The following GTF2A1L variants were observed in gnomAD, a reference collection of about 807,000 sequenced individuals.
The protein encoded by GTF2A1L is TFIIA-alpha and beta-like factor.
GTF2A1L carries 48 observed loss-of-function variants against 49.7 expected under a neutral mutation model. That is an observed-to-expected ratio of 0.97 (90% CI 0.77 to 1.23). GTF2A1L has a LOEUF of 1.23. Ranked by LOEUF, GTF2A1L falls within the 50% of genes most tolerant of loss-of-function variation. GTF2A1L has a pLI of 0.00. For missense variants in GTF2A1L, 736 were observed against 564.8 expected, an observed-to-expected ratio of 1.30 and a Z score of -3.07; for synonymous variants, 246 against 193.5, an observed-to-expected ratio of 1.27 and a Z score of -2.25.
intron 6 of GTF2A1L, among the ~76,000 whole-genome samples, chr2:48,662,071 G>A (rs921207960): frequency 2.6e-5 from 4 of 151,974 alleles, no homozygotes; most frequent in African/African-American, 4.8e-5. Flanking sequence ...TGGTTACCAC[G>A]GGTATTACAT....
rs779064691 is a variant in GTF2A1L at position 48,646,874 on chromosome 2, G to C, written c.810G>C (p.Met270Ile). The C allele has an allele frequency of 6.2e-7, 1 of 1,614,176 alleles. No individual in the cohort carries two copies. The highest frequency in any genetic ancestry group is 8.5e-7 in the Non-Finnish European group (1 of 1,180,012). The change falls in exon 6 of 9, where the codon ATG becomes ATC. Residue 270 changes from methionine to isoleucine, a missense_variant. Transcript: ENST00000403751. The stretch of plus-strand genomic sequence containing the variant: ...CAGTGCTCAGTGGTTCAGCTAGCAT[G>C]GCTCAAAATCTGCATGATGAGTCCC... ...VESVLSGSASMAQNLHDESLS... is the reference protein window; with the variant it reads ...VESVLSGSASIAQNLHDESLS...
intron 6 of GTF2A1L, among the ~76,000 whole-genome samples, chr2:48,665,243 A>T: frequency 6.7e-6 from 1 of 150,120 alleles, no homozygotes; most frequent in African/African-American, 2.4e-5. Flanking sequence ...TTTTATTGAT[A>T]ATTTCAAAGA....
chr2:48,631,753 G>T (rs916125024), intron 3 of GTF2A1L, among the ~76,000 whole-genome samples: 4 of 152,130 alleles, frequency 2.6e-5, no homozygotes, highest in South Asian at 2.1e-4. Flanking sequence ...ATGTTAGATT[G>T]TTAATTTGAG....
intron 7 of GTF2A1L, among the ~76,000 whole-genome samples, chr2:48,670,475 T>C (rs1679108489): frequency 1.3e-5 from 2 of 152,288 alleles, no homozygotes; most frequent in African/African-American, 4.8e-5. Context: ...TGGGCTTCTG[T>C]ATTGGTCTTA....
intron 6 of GTF2A1L, among the ~76,000 whole-genome samples, chr2:48,650,741 A>G (rs188149601): frequency 6.6e-6 from 1 of 152,192 alleles, no homozygotes; most frequent in East Asian, 1.9e-4. Context: ...ATATTAAGAT[A>G]TATTTCATTC....
intron 6 of GTF2A1L, among the ~76,000 whole-genome samples, chr2:48,649,634 C>A (rs956972619): frequency 6.6e-6 from 1 of 152,230 alleles, no homozygotes. Flanking sequence ...CAGCAGCACA[C>A]TGGCACCGTG....
intron 3 of GTF2A1L, among the ~76,000 whole-genome samples, chr2:48,621,748 C>T (rs1676009417): frequency 6.6e-6 from 1 of 152,116 alleles, no homozygotes; most frequent in Admixed American, 6.5e-5. Flanking sequence ...TTCAGGCTAC[C>T]TCACTGTTTT....
intron 4 of GTF2A1L, among the ~76,000 whole-genome samples, chr2:48,643,855 T>C (rs1268295035): frequency 6.6e-6 from 1 of 151,990 alleles, no homozygotes; most frequent in Non-Finnish European, 1.5e-5. Context: ...CCCGCCACCA[T>C]GCCCAACTAA....
intron 5 of GTF2A1L, 135 bp from the exon 6 acceptor site, chr2:48,646,318 A>G: frequency 1.5e-6 from 1 of 685,870 alleles, no homozygotes; most frequent in Non-Finnish European, 2.2e-6. Flanking sequence ...AAAAACCCCT[A>G]GAGATAACCA....
chr2:48,671,107 C>A (rs149548312), intron 7 of GTF2A1L, among the ~76,000 whole-genome samples: 1 of 152,068 alleles, frequency 6.6e-6, no homozygotes, highest in African/African-American at 2.4e-5. Context: ...CAAGCATGAA[C>A]CACTGCACCC....
rs888409051 is a variant in GTF2A1L at position 48,624,321 on chromosome 2, G to A, written c.247+3031G>A. Among the ~76,000 whole-genome samples the A allele has an allele frequency of 4.9e-5, 7 of 144,046 alleles. 1 individual carries two copies. The highest frequency in any genetic ancestry group is 1.2e-4 in the African/African-American group (5 of 40,558). 94.5% of individuals were successfully genotyped at this position (144,046 alleles called of 152,430 possible). Reference sequence around the variant, plus strand: ...ATATATTTATGAGTAATAATTCTTCGAGAACAAAAATATTTAGTAAGAAGA... The same window carrying A: ...ATATATTTATGAGTAATAATTCTTCAAGAACAAAAATATTTAGTAAGAAGA... On this transcript the variant is annotated intron_variant, in intron 3 of 8. Coordinates refer to ENST00000403751, the MANE Select transcript of GTF2A1L (RefSeq NM_006872.5).
intron 3 of GTF2A1L, among the ~76,000 whole-genome samples, chr2:48,640,624 A>G (rs893852862): frequency 1.3e-5 from 2 of 152,152 alleles, no homozygotes; most frequent in African/African-American, 4.8e-5. Context: ...AAACAAAATA[A>G]TCTGTAAAAT....
chr2:48,621,244 T>C lies in GTF2A1L; in HGVS notation c.201T>C (p.Thr67=), dbSNP rs768749254. 3.1e-6 allele frequency: 5 copies of C among 1,614,068 alleles called. No homozygotes were observed. The East Asian group carries it at 8.9e-5, about 29-fold the overall frequency. The part of the protein sequence containing the change: ...FRNSIQSPLF[T]LQLPHSLHQT... ...ATAGCATCCAATCACCTCTGTTTAC[T>C]CTTCAGTTGCCGCACAGCTTGCACC... The change falls in exon 3 of 9, where the codon ACT becomes ACC. Residue 67 remains threonine (T), a synonymous_variant. Coordinates refer to ENST00000403751, the MANE Select transcript of GTF2A1L (RefSeq NM_006872.5).
intron 6 of GTF2A1L, among the ~76,000 whole-genome samples, chr2:48,663,518 T>G (rs1165950907): frequency 1.3e-5 from 2 of 152,232 alleles, no homozygotes; most frequent in East Asian, 3.8e-4. Context: ...TAAAACAATG[T>G]CCCTAGAAGT....
At position 48,646,678 on chromosome 2, in the gene GTF2A1L, T is replaced by C. The variant is rs778572262; in HGVS notation, c.614T>C (p.Val205Ala). 6 of 1,613,986 alleles carry C rather than the reference T, an allele frequency of 3.7e-6. No individual in the cohort carries two copies. The South Asian group carries it at 4.4e-5, about 12-fold the overall frequency. The change falls in exon 6 of 9, where the codon GTA (valine) becomes GCA (alanine). Residue 205 changes from valine to alanine, a missense_variant. Transcript: ENST00000403751. ...QQPAILPSGPVDRKHLENATS... is the reference protein window; with the variant it reads ...QQPAILPSGPADRKHLENATS... ...CCCGCAATTCTACCTTCTGGGCCAG[T>C]AGATAGGAAACACTTAGAAAATGCC...
At chr2:48,633,986 A>C (rs1230470509) in intron 3 of GTF2A1L, among the ~76,000 whole-genome samples, 1 of 151,434 alleles carries the variant, frequency 6.6e-6, no homozygotes, top group Non-Finnish European at 1.5e-5. Context: ...TTGGTGGATC[A>C]CTCTTCAGCC....
At chr2:48,618,591 G>A (rs528270091) in intron 1 of GTF2A1L, among the ~76,000 whole-genome samples, 1 of 152,138 alleles carries the variant, frequency 6.6e-6, no homozygotes, top group African/African-American at 2.4e-5. Context: ...GTAATTTTAT[G>A]GGTTCCGGGT....
At chr2:48,671,752 G>C in intron 8 of GTF2A1L, 72 bp downstream of exon 8, 1 of 1,355,392 alleles carries the variant, frequency 7.4e-7, no homozygotes, top group Non-Finnish European at 1.0e-6. Flanking sequence ...AAAATGATGG[G>C]AAATAAGATG....
intron 6 of GTF2A1L, among the ~76,000 whole-genome samples, chr2:48,656,847 T>C (rs1212787051): frequency 6.6e-6 from 1 of 152,228 alleles, no homozygotes; most frequent in Non-Finnish European, 1.5e-5. Flanking sequence ...TTTAGCTCTT[T>C]GATCCATTTT....
Sources: gnomAD v4.1 joint callset for allele counts (sites outside exome capture counted in the v4.1 genomes callset) on GRCh38, gnomAD v4.1.1 for gene constraint, MANE v1.5 for transcripts, NCBI Gene and HGNC (gene_info 2026-07-23, HGNC 2026-07-21) for gene names.